CAMSAP1: variants seen among roughly 807,000 people sequenced by gnomAD.
CAMSAP1 encodes the protein calmodulin-regulated spectrin-associated protein 1.
A neutral mutation model predicts 143.5 loss-of-function variants in CAMSAP1; 58 were observed. The observed-to-expected ratio is 0.40, with a 90% CI of 0.33 to 0.50. CAMSAP1 has a LOEUF of 0.50. CAMSAP1 is among the 20% of genes least tolerant of loss of function. The pLI, the probability that CAMSAP1 is intolerant of heterozygous loss-of-function variation, is 0.45. For missense variants in CAMSAP1, 1,969 were observed against 2,115.7 expected (o/e 0.93, Z 1.36); for synonymous variants, 945 against 859.3 (o/e 1.10, Z -1.74).
intron 4 of CAMSAP1, among the ~76,000 whole-genome samples, chr9:135,864,563 C>A (rs953774294): frequency 2.0e-5 from 3 of 152,180 alleles, no homozygotes; most frequent in African/African-American, 7.2e-5. Context: ...TCCAAAAGTT[C>A]CCGAGAAAGG....
At chr9:135,878,720 G>C (rs188072301) in intron 3 of CAMSAP1, among the ~76,000 whole-genome samples, 3 of 152,126 alleles carry the variant, frequency 2.0e-5, no homozygotes, top group Admixed American at 6.5e-5. Flanking sequence ...CGGGGAACTC[G>C]CACTTCCTAC....
intron 1 of CAMSAP1, among the ~76,000 whole-genome samples, chr9:135,886,825 A>G (rs750731325): frequency 6.6e-6 from 1 of 152,220 alleles, no homozygotes; most frequent in Admixed American, 6.5e-5. Flanking sequence ...AAGGGGAACC[A>G]CTGCCCAGGA....
At chr9:135,836,463 C>T (rs1311469595) in intron 7 of CAMSAP1, 1 of 984,116 alleles carries the variant, frequency 1.0e-6, no homozygotes, top group African/African-American at 1.8e-5. Flanking sequence ...ACAGACACGT[C>T]ACCACACACT....
intron 7 of CAMSAP1, among the ~76,000 whole-genome samples, chr9:135,844,046 G>A (rs960791659): frequency 2.0e-5 from 3 of 151,868 alleles, no homozygotes; most frequent in East Asian, 1.9e-4. Flanking sequence ...TAGACAGATC[G>A]GGACAGAAAA....
chr9:135,824,113 C>T lies in CAMSAP1; in HGVS notation c.1316-79G>A. On this transcript the variant is annotated intron_variant, in intron 9 of 16. Coordinates refer to ENST00000389532, the MANE Select transcript of CAMSAP1 (RefSeq NM_015447.4). This position sits in a 1 kb window ranked among gnomAD's most constrained non-coding sequence, Gnocchi z 4.1. The stretch of plus-strand genomic sequence containing the variant: ...AATTCTTTCAATATGACCATTTGTC[C>T]AGAAAAATGCCTCTCAAGTCAGTAC... 1 of 1,279,370 alleles carries T rather than the reference C, an allele frequency of 7.8e-7. No homozygotes were observed. Among genetic ancestry groups the T allele is most frequent in the Non-Finnish European group, 1.1e-6 (1 of 900,786 alleles). The allele number at this position is 1,279,370 out of a possible 1,614,324, so 79.3% of individuals were successfully genotyped here. A position where few individuals can be genotyped will look rare whatever the true frequency, so the allele number is the denominator to read the frequency against.
intron 4 of CAMSAP1, among the ~76,000 whole-genome samples, chr9:135,862,915 C>A (rs999208230): frequency 2.6e-5 from 4 of 152,072 alleles, no homozygotes; most frequent in African/African-American, 9.7e-5. Context: ...CAGGCACACA[C>A]GGGAAAGGAC....
Position 135,818,935 on chromosome 9 carries a change from A to C in CAMSAP1, c.3959+75T>G, listed in dbSNP as rs1835339922. ...ATTGCCATGGTCCATGCTCAGTGCCAGCAACGGGACCGGGGCCGCCAGGGA... is the reference window on the plus strand; with the variant it reads ...ATTGCCATGGTCCATGCTCAGTGCCCGCAACGGGACCGGGGCCGCCAGGGA... On this transcript the variant is annotated intron_variant, in intron 12 of 16. Transcript: ENST00000389532. This position sits in a 1 kb window ranked among gnomAD's most constrained non-coding sequence, Gnocchi z 7.7. 6.4e-7 allele frequency: 1 copy of C among 1,555,844 alleles called. No individual in the cohort carries two copies. Among genetic ancestry groups the C allele is most frequent in the Non-Finnish European group, 8.6e-7 (1 of 1,157,466 alleles).
chr9:135,899,417 TAAAAA>T (rs577120532), intron 1 of CAMSAP1, among the ~76,000 whole-genome samples: 2 of 125,448 alleles, frequency 1.6e-5, no homozygotes, highest in African/African-American at 3.0e-5. Flanking sequence ...TTGTCTCTAT[TAAAAA>T]AAAAAAAAAA....
chr9:135,885,859 TC>T (rs1838104946), intron 1 of CAMSAP1, among the ~76,000 whole-genome samples: 1 of 152,260 alleles, frequency 6.6e-6, no homozygotes, highest in Admixed American at 6.5e-5. Context: ...GTTACTCCTT[TC>T]CATCCGGCCT....
Position 135,907,424 on chromosome 9 carries a change from G to C in CAMSAP1, c.-265C>G, listed in dbSNP as rs1386799759. On this transcript the variant is annotated 5_prime_UTR_variant, in exon 1 of 17. Coordinates refer to ENST00000389532, the MANE Select transcript of CAMSAP1 (RefSeq NM_015447.4). ...GCGGCGGCAGGAGGGCGCGGGCCGG[G>C]GGCGGGGGCGGGCGCGGGGGCGGGA... Among the ~76,000 whole-genome samples, 3 of 146,196 alleles carry C rather than the reference G, an allele frequency of 2.1e-5. No individual in the cohort carries two copies. The South Asian group carries it at 6.2e-4, about 30-fold the overall frequency.
intron 3 of CAMSAP1, among the ~76,000 whole-genome samples, chr9:135,867,881 G>A (rs1204291479): frequency 6.6e-6 from 1 of 152,214 alleles, no homozygotes; most frequent in East Asian, 1.9e-4. Flanking sequence ...CCAGGCAGGG[G>A]CCCTGCAAAC....
chr9:135,857,103 G>A (rs568165870), intron 5 of CAMSAP1, among the ~76,000 whole-genome samples: 55 of 152,292 alleles, frequency 3.6e-4, no homozygotes, highest in Non-Finnish European at 7.2e-4. Context: ...CAGGGGTTCC[G>A]GAGCTCATCA....
At chr9:135,834,420 A>G (rs967071998) in intron 7 of CAMSAP1, among the ~76,000 whole-genome samples, 4 of 152,250 alleles carry the variant, frequency 2.6e-5, no homozygotes, top group Non-Finnish European at 5.9e-5. Context: ...CAACAGATGA[A>G]TAAAGAAATT....
intron 5 of CAMSAP1, among the ~76,000 whole-genome samples, chr9:135,853,436 C>T (rs1181078208): frequency 1.3e-5 from 2 of 152,190 alleles, no homozygotes; most frequent in African/African-American, 4.8e-5. Flanking sequence ...AGAAATAACA[C>T]AATCCAAGAG....
chr9:135,815,751 T>G, intron 15 of CAMSAP1, 139 bp downstream of exon 15: 2 of 728,516 alleles, frequency 2.7e-6, no homozygotes, highest in East Asian at 5.4e-5. Flanking sequence ...AGAGCTCAAA[T>G]TAGCTCTCTT....
At position 135,882,695 on chromosome 9, in the gene CAMSAP1, G is replaced by T; in HGVS notation, c.423+121C>A. 4 of 1,195,670 alleles carry T rather than the reference G, an allele frequency of 3.3e-6. No homozygotes were observed. The highest frequency in any genetic ancestry group is 4.6e-6 in the Non-Finnish European group (4 of 874,356). The allele number at this position is 1,195,670 out of a possible 1,614,324, so 74.1% of individuals were successfully genotyped here. On this transcript the variant is annotated intron_variant, in intron 2 of 16. Transcript: ENST00000389532. This position sits in a 1 kb window ranked among gnomAD's most constrained non-coding sequence, Gnocchi z 4.9. ...TCCTAAGGAACGCCAGTGTGCAAAA[G>T]CACGGGTCTCCACCACCTCGCCGCA...
intron 1 of CAMSAP1, among the ~76,000 whole-genome samples, chr9:135,892,913 A>G (rs1838332874): frequency 1.3e-5 from 2 of 149,822 alleles, no homozygotes; most frequent in Non-Finnish European, 3.0e-5. Flanking sequence ...TCACATCTAT[A>G]ATCTCAACAC....
intron 1 of CAMSAP1, among the ~76,000 whole-genome samples, chr9:135,902,856 A>C (rs1458132879): frequency 1.3e-5 from 2 of 152,186 alleles, no homozygotes; most frequent in Non-Finnish European, 2.9e-5. Context: ...GCTGTCAGTA[A>C]GGAGAGGGGA....
At position 135,827,504 on chromosome 9, in the gene CAMSAP1, G is replaced by A. The variant is rs149644073; in HGVS notation, c.1126C>T (p.Pro376Ser). 5 of 1,612,740 alleles carry A rather than the reference G, an allele frequency of 3.1e-6. No individual in the cohort carries two copies. In the African/African-American group the frequency reaches 6.7e-5, roughly 22 times the overall value. The part of the protein sequence containing the change: ...NATKRSFLGS[P>S]AAGTLAELQP... The stretch of plus-strand genomic sequence containing the variant: ...AGCTCAGCCAGGGTCCCTGCAGCAG[G>A]GCTGCCTAGGAAACTGCGTTTGGTC... The change falls in exon 8 of 17, where the codon CCT becomes TCT. Residue 376 changes from proline (P) to serine (S), a missense_variant. Physicochemically the swap from Pro to Ser is moderately conservative, Grantham distance 74. Transcript: ENST00000389532.
Sources: gnomAD v4.1 joint callset for allele counts (sites outside exome capture counted in the v4.1 genomes callset) on GRCh38, gnomAD v4.1.1 for gene constraint, Gnocchi (gnomAD v3.1) non-coding constraint, MANE v1.5 for transcripts, NCBI Gene and HGNC (gene_info 2026-07-23, HGNC 2026-07-21) for gene names.